The following CDK2AP1 variants were observed in gnomAD, a reference collection of about 807,000 sequenced individuals.
CDK2AP1 encodes cyclin dependent kinase 2 associated protein 1.
Under a neutral mutation model 14.1 loss-of-function variants are expected in CDK2AP1, and 10 were observed. The observed-to-expected ratio is 0.71, with a 90% confidence interval of 0.44 to 1.20. The LOEUF (loss-of-function observed/expected upper bound fraction) is 1.20. CDK2AP1 is among the 50% of genes most tolerant of loss of function. The probability of loss-of-function intolerance (pLI) is 0.00; values close to 1 mark genes in which losing one functional copy is unlikely to be tolerated. For synonymous variants in CDK2AP1, 59 were observed against 59.8 expected (o/e 0.99, Z 0.06); for missense variants, 102 against 149.9 (o/e 0.68, Z 1.67).
chr12:123,267,162 T>A, intron 2 of CDK2AP1, 23 bp downstream of exon 2: 1 of 1,372,916 alleles, frequency 7.3e-7, no homozygotes, highest in Non-Finnish European at 1.0e-6. Flanking sequence ...CCTCCCACCA[T>A]GCCATCACCC....
rs12316074 is a variant in CDK2AP1, at chr12:123,267,488, C to T, written c.56-206G>A. 1,774 of 515,268 alleles carry T rather than the reference C, an allele frequency of 3.4e-3. 34 individuals carry two copies. The Admixed American group carries it at 0.038, about 11-fold the overall frequency. The allele number at this position is 515,268 out of a possible 1,614,324, so 31.9% of individuals were successfully genotyped here. ...AGGCACCTGACCATCCCCAGCTCTG[C>T]AGCAGCCGCTGGTCCTCACAGAGCT... On this transcript the variant is annotated intron_variant, in intron 1 of 3. Transcript: ENST00000261692.
intron 1 of CDK2AP1, among the ~76,000 whole-genome samples, chr12:123,269,828 A>AGAGTCC: frequency 6.6e-6 from 1 of 151,928 alleles, no homozygotes; most frequent in Non-Finnish European, 1.5e-5. Flanking sequence ...GCGGCAGCGG[A>AGAGTCC]GAGTCCATCT....
intron 3 of CDK2AP1, among the ~76,000 whole-genome samples, chr12:123,264,881 G>A (rs549725782): frequency 8.5e-5 from 13 of 152,216 alleles, no homozygotes; most frequent in African/African-American, 3.1e-4. Flanking sequence ...AGGCAGGGTC[G>A]GGGGCAGGGG....
chr12:123,270,894 G>C, intron 1 of CDK2AP1: 13 of 985,174 alleles, frequency 1.3e-5, no homozygotes, highest in Non-Finnish European at 1.6e-5. Flanking sequence ...CACCTTACGG[G>C]GGTCCCCGCG....
intron 1 of CDK2AP1, chr12:123,268,199 G>A (rs1037551232): frequency 1.5e-5 from 15 of 985,470 alleles, no homozygotes; most frequent in East Asian, 1.1e-4. Context: ...CCCGCCTGCC[G>A]CCCCCAGAGC....
intron 1 of CDK2AP1, chr12:123,267,775 G>C (rs895676297): frequency 1.9e-5 from 3 of 156,492 alleles, no homozygotes; most frequent in African/African-American, 7.2e-5. Context: ...GAGTATTTGA[G>C]ACCCAACCCT....
chr12:123,265,336 G>A lies in CDK2AP1; in HGVS notation c.154-14C>T. 1.2e-6 allele frequency: 2 copies of A among 1,613,874 alleles called. No homozygotes were observed. The highest frequency in any genetic ancestry group is 2.2e-5 in the South Asian group (2 of 91,062). ...GTTCCCAGTTCCCTAGAATCAGAAA[G>A]AAATGGGTTCAGCAAAATCAGCCGG... On this transcript the variant is annotated splice_polypyrimidine_tract_variant and intron_variant, in intron 2 of 3. Coordinates refer to ENST00000261692, the MANE Select transcript of CDK2AP1 (RefSeq NM_004642.4). The surrounding 1 kb of genome is among the most constrained non-coding windows in gnomAD (Gnocchi z 5.3).
intron 3 of CDK2AP1, among the ~76,000 whole-genome samples, chr12:123,264,108 C>CAA (rs772806319): frequency 8.8e-6 from 1 of 114,184 alleles, no homozygotes; most frequent in East Asian, 2.4e-4. Flanking sequence ...GACTCCATCT[C>CAA]AAAAAAAAAA....
rs2048305979 is a variant in CDK2AP1, at chr12:123,267,178, G to A, written c.153+7C>T. On this transcript the variant is annotated splice_region_variant and intron_variant, in intron 2 of 3. Coordinates refer to ENST00000261692, the MANE Select transcript of CDK2AP1 (RefSeq NM_004642.4). Reference sequence around the variant, plus strand: ...CTCCCACCATGCCATCACCCCCATTGACATACCTGGGTGTAGCCTAGGGAC... The same window carrying A: ...CTCCCACCATGCCATCACCCCCATTAACATACCTGGGTGTAGCCTAGGGAC... 1.9e-5 allele frequency: 29 copies of A among 1,539,008 alleles called. No homozygotes were observed. Among genetic ancestry groups the A allele is most frequent in the Non-Finnish European group, 2.5e-5 (28 of 1,111,808 alleles).
At chr12:123,262,037 C>A in intron 3 of CDK2AP1, 1 of 428,282 alleles carries the variant, frequency 2.3e-6, no homozygotes, top group Non-Finnish European at 4.2e-6. Flanking sequence ...AACATTTTTT[C>A]CTGCATTCAA....
At chr12:123,268,810 C>G (rs1027378529) in intron 1 of CDK2AP1, among the ~76,000 whole-genome samples, 2 of 152,196 alleles carry the variant, frequency 1.3e-5, no homozygotes, top group African/African-American at 2.4e-5. Context: ...GTGATGTCCC[C>G]CAGAGCCCCC....
chr12:123,271,652 G>A lies in CDK2AP1; in HGVS notation c.-34C>T, dbSNP rs2048354776. 5 of 942,530 alleles carry A rather than the reference G, an allele frequency of 5.3e-6. No homozygotes were observed. Among genetic ancestry groups the A allele is most frequent in the African/African-American group, 1.8e-5 (1 of 55,844 alleles). 58.4% of individuals were successfully genotyped at this position (942,530 alleles called of 1,614,324 possible). ...GCGGCGGGCGCGCCGGGCGCGGCGG[G>A]GCCAGGCCGCGAGGGCGGCGGCGGC... On this transcript the variant is annotated 5_prime_UTR_variant, in exon 1 of 4. Transcript: ENST00000261692.
intron 1 of CDK2AP1, 110 bp downstream of exon 1, chr12:123,271,454 G>A (rs185878457): frequency 0.059 from 26,857 of 452,190 alleles, 861 homozygotes; most frequent in South Asian, 0.11. Context: ...GGGACCCTGA[G>A]CCCCCCGCCC....
chr12:123,270,242 A>C lies in CDK2AP1; in HGVS notation c.55+1322T>G, dbSNP rs966625316. ...GAGGAGGTGAGAATGTTTGAGAAAAAAACAGTGGCTGTTTGCTCTTTGGGA... is the reference window on the plus strand; with the variant it reads ...GAGGAGGTGAGAATGTTTGAGAAAACAACAGTGGCTGTTTGCTCTTTGGGA... On this transcript the variant is annotated intron_variant, in intron 1 of 3. Coordinates refer to ENST00000261692, the MANE Select transcript of CDK2AP1 (RefSeq NM_004642.4). 3.1e-6 allele frequency: 3 copies of C among 978,950 alleles called. No individual in the cohort carries two copies. The African/African-American group carries it at 5.3e-5, about 17-fold the overall frequency. The allele number at this position is 978,950 out of a possible 1,614,324, so 60.6% of individuals were successfully genotyped here.
At chr12:123,268,931 C>T (rs1350219145) in intron 1 of CDK2AP1, among the ~76,000 whole-genome samples, 2 of 152,180 alleles carry the variant, frequency 1.3e-5, no homozygotes, top group African/African-American at 2.4e-5. Flanking sequence ...CTGGTCACTA[C>T]ACCTCTCTGG....
chr12:123,263,215 A>G (rs1404905692), intron 3 of CDK2AP1, among the ~76,000 whole-genome samples: 2 of 151,132 alleles, frequency 1.3e-5, no homozygotes, highest in Admixed American at 6.6e-5. Flanking sequence ...TGTCTCAAAA[A>G]AAAAAAAAAA....
rs2048354433 is a variant in CDK2AP1 at position 123,271,620 on chromosome 12, C to A, written c.-2G>T. 2 of 993,722 alleles carry A rather than the reference C, an allele frequency of 2.0e-6. No individual in the cohort carries two copies. The highest frequency in any genetic ancestry group is 1.2e-6 in the Non-Finnish European group (1 of 836,254). 61.6% of individuals were successfully genotyped at this position (993,722 alleles called of 1,614,324 possible). A position where few individuals can be genotyped will look rare whatever the true frequency, so the allele number is the denominator to read the frequency against. ...GGCCAAGTTCGGTTTGTAAGACATC[C>A]CCCCGGGCGGCGGGCGCGCCGGGCG... On this transcript the variant is annotated 5_prime_UTR_variant, in exon 1 of 4. Transcript: ENST00000261692.
chr12:123,271,474 G>A, intron 1 of CDK2AP1, 90 bp downstream of exon 1: 1 of 694,426 alleles, frequency 1.4e-6, no homozygotes, highest in Non-Finnish European at 1.8e-6. Context: ...CCCGGCCTCC[G>A]CGGGCGCCCC....
rs2048277131 is a variant in CDK2AP1, at chr12:123,265,172, A to G, written c.280+24T>C. The G allele has an allele frequency of 1.9e-6, 3 of 1,613,836 alleles. No homozygotes were observed. In the East Asian group the frequency reaches 6.7e-5, roughly 36 times the overall value. On this transcript the variant is annotated intron_variant, in intron 3 of 3. Coordinates refer to ENST00000261692, the MANE Select transcript of CDK2AP1 (RefSeq NM_004642.4). This position sits in a 1 kb window ranked among gnomAD's most constrained non-coding sequence, Gnocchi z 5.3. The stretch of plus-strand genomic sequence containing the variant: ...TAAAGGTCTAGCACTGTGGTCACCG[A>G]CAGGGCAGCGGGGCCGGGCTTACCG...
Sources: gnomAD v4.1 joint callset for allele counts (sites outside exome capture counted in the v4.1 genomes callset) on GRCh38, gnomAD v4.1.1 for gene constraint, Gnocchi (gnomAD v3.1) non-coding constraint, MANE v1.5 for transcripts, NCBI Gene and HGNC (gene_info 2026-07-23, HGNC 2026-07-21) for gene names.